MEGF9: variants seen among roughly 807,000 people sequenced by gnomAD.
MEGF9 encodes the protein multiple epidermal growth factor-like domains protein 9.
A neutral mutation model predicts 46.8 loss-of-function variants in MEGF9; 6 were observed. The observed-to-expected ratio is 0.13, with a 90% CI of 0.07 to 0.25. The LOEUF (loss-of-function observed/expected upper bound fraction) is 0.25. Among genes scored for constraint, MEGF9 ranks in the 10% least tolerant of loss-of-function variants. MEGF9 has a pLI of 1.00. For missense variants in MEGF9, 683 were observed against 792.4 expected (o/e 0.86, Z 1.66); for synonymous variants, 302 against 330.7 (o/e 0.91, Z 0.94).
At chr9:120,656,745 G>A (rs1198851923) in intron 2 of MEGF9, among the ~76,000 whole-genome samples, 1 of 151,674 alleles carries the variant, frequency 6.6e-6, no homozygotes, top group African/African-American at 2.4e-5. Context: ...AGAGGGACAG[G>A]ACATGGATTA....
intron 1 of MEGF9, among the ~76,000 whole-genome samples, chr9:120,666,725 C>T (rs2043726741): frequency 6.6e-6 from 1 of 152,132 alleles, no homozygotes; most frequent in African/African-American, 2.4e-5. Flanking sequence ...TATTAATAAT[C>T]ACCAAAACCT....
chr9:120,619,901 T>C (rs2043490579), intron 3 of MEGF9, among the ~76,000 whole-genome samples: 1 of 152,170 alleles, frequency 6.6e-6, no homozygotes, highest in African/African-American at 2.4e-5. Flanking sequence ...GGGGTGAAAA[T>C]AGGACTGTGA....
chr9:120,625,020 T>TC (rs2043518142), intron 2 of MEGF9, among the ~76,000 whole-genome samples: 1 of 152,224 alleles, frequency 6.6e-6, no homozygotes, highest in Non-Finnish European at 1.5e-5. Context: ...ATGCCTATAG[T>TC]CCCAGCTACT....
chr9:120,608,154 G>A (rs1234362380), intron 4 of MEGF9, 144 bp from the exon 5 acceptor site: 3 of 873,306 alleles, frequency 3.4e-6, no homozygotes, highest in Non-Finnish European at 5.2e-6. Flanking sequence ...AGGAGTTTGA[G>A]ACCAGCCTGG....
Position 120,692,714 on chromosome 9 carries a change from T to C in MEGF9, c.601+21044A>G, listed in dbSNP as rs73662410. 5.3e-3 allele frequency among the ~76,000 whole-genome samples: 810 copies of C among 152,266 alleles called. 7 individuals carry two copies. The highest frequency in any genetic ancestry group is 0.019 in the African/African-American group (771 of 41,552). On this transcript the variant is annotated intron_variant, in intron 1 of 5. Coordinates refer to ENST00000373930, the MANE Select transcript of MEGF9 (RefSeq NM_001080497.3). Reference sequence around the variant, plus strand: ...TACTCGAGCCACTCAGGACTTCAGTTCCCTAAATGGGCCATGTATGTGCTC... The same window carrying C: ...TACTCGAGCCACTCAGGACTTCAGTCCCCTAAATGGGCCATGTATGTGCTC...
chr9:120,700,641 C>CA (rs1217982179), intron 1 of MEGF9, among the ~76,000 whole-genome samples: 4 of 152,112 alleles, frequency 2.6e-5, no homozygotes, highest in Non-Finnish European at 5.9e-5. Context: ...CTTCCCCCCC[C>CA]GTTATTTCCA....
chr9:120,670,305 C>T (rs1464022289), intron 1 of MEGF9, among the ~76,000 whole-genome samples: 1 of 152,154 alleles, frequency 6.6e-6, no homozygotes, highest in Non-Finnish European at 1.5e-5. Flanking sequence ...CCATGTTGGT[C>T]AGGCTGGTCT....
intron 3 of MEGF9, among the ~76,000 whole-genome samples, chr9:120,619,827 C>CA (rs1201067477): frequency 2.0e-5 from 3 of 152,082 alleles, no homozygotes; most frequent in East Asian, 3.9e-4. Context: ...TATCTTACCA[C>CA]AAAAAAAGAG....
rs567837164 is a variant in MEGF9 at position 120,702,021 on chromosome 9, C to T, written c.601+11737G>A. Among the ~76,000 whole-genome samples, 6 of 150,438 alleles carry T rather than the reference C, an allele frequency of 4.0e-5. No individual in the cohort carries two copies. In the South Asian group the frequency reaches 1.0e-3, roughly 26 times the overall value. On this transcript the variant is annotated intron_variant, in intron 1 of 5. Coordinates refer to ENST00000373930, the MANE Select transcript of MEGF9 (RefSeq NM_001080497.3). ...TCACGCCACTGCTCTCCAGCCTAGG[C>T]GACAGAGCAAGACTCTGTCTCTAAA...
At chr9:120,651,029 T>C (rs1298178843) in intron 2 of MEGF9, among the ~76,000 whole-genome samples, 1 of 152,208 alleles carries the variant, frequency 6.6e-6, no homozygotes, top group Non-Finnish European at 1.5e-5. Context: ...TTTGCACAGA[T>C]TAGATTATAA....
Position 120,676,214 on chromosome 9 carries a change from T to C in MEGF9, c.602-16639A>G, listed in dbSNP as rs191483645. 2.4e-4 allele frequency among the ~76,000 whole-genome samples: 37 copies of C among 152,298 alleles called. 1 individual carries two copies. The East Asian group carries it at 6.0e-3, about 25-fold the overall frequency. ...GGGAGGCCAAGGCAGACAGATCACT[T>C]GAGTCCACAAGTTCAGCCTGGGCAA... On this transcript the variant is annotated intron_variant, in intron 1 of 5. Coordinates refer to ENST00000373930, the MANE Select transcript of MEGF9 (RefSeq NM_001080497.3).
intron 1 of MEGF9, among the ~76,000 whole-genome samples, chr9:120,688,775 T>G (rs1414663094): frequency 6.6e-6 from 1 of 152,196 alleles, no homozygotes; most frequent in Admixed American, 6.5e-5. Flanking sequence ...ATTTTACATG[T>G]TCTTTACACG....
intron 1 of MEGF9, among the ~76,000 whole-genome samples, chr9:120,683,652 A>G (rs2043808637): frequency 6.6e-6 from 1 of 152,192 alleles, no homozygotes; most frequent in Non-Finnish European, 1.5e-5. Flanking sequence ...TAAATTACCC[A>G]GTCTCAAGTA....
chr9:120,713,961 G>A lies in MEGF9; in HGVS notation c.398C>T (p.Thr133Ile), dbSNP rs1259965862. 1.4e-6 allele frequency: 2 copies of A among 1,385,006 alleles called. No homozygotes were observed. The highest frequency in any genetic ancestry group is 3.9e-4 in the Middle Eastern group (2 of 5,116). The allele number at this position is 1,385,006 out of a possible 1,614,324, so 85.8% of individuals were successfully genotyped here. Residue 133 changes from threonine to isoleucine, a missense_variant, in exon 1 of 6, where the codon ACT (threonine) becomes ATT (isoleucine). This residue lies in a region of MEGF9 where 370 missense variants were observed against 371.3 expected (regional missense o/e 1.00). Transcript: ENST00000373930. ...SPTTPPAAER[T>I]STTSQAPTRP... The stretch of plus-strand genomic sequence containing the variant: ...GGTCGGCGCCTGAGAGGTGGTCGAA[G>A]TGCGTTCCGCCGCCGGAGGGGTGGT...
At position 120,652,478 on chromosome 9, in the gene MEGF9, T is replaced by TAAA. The variant is rs57268783; in HGVS notation, c.803+6893_803+6895dup. Among the ~76,000 whole-genome samples the TAAA allele has an allele frequency of 1.6e-3, 140 of 85,606 alleles. 1 individual carries two copies. Among genetic ancestry groups the TAAA allele is most frequent in the African/African-American group, 5.7e-3 (126 of 22,080 alleles). The allele number at this position is 85,606 out of a possible 152,430, so 56.2% of individuals were successfully genotyped here. On this transcript the variant is annotated intron_variant, in intron 2 of 5. Coordinates refer to ENST00000373930, the MANE Select transcript of MEGF9 (RefSeq NM_001080497.3). Reference sequence around the variant, plus strand: ...TGGGTGACAGAGCGAGATCTTGTCTTAAAAAAAAAAAAAAAAAAAAAAAAA... The same window carrying TAAA: ...TGGGTGACAGAGCGAGATCTTGTCTTAAAAAAAAAAAAAAAAAAAAAAAAAAAA...
chr9:120,650,038 G>A (rs138586945), intron 2 of MEGF9, among the ~76,000 whole-genome samples: 3,612 of 152,208 alleles, frequency 0.024, 153 homozygotes, highest in African/African-American at 0.083. Flanking sequence ...AGGCTGAGTC[G>A]GGTGGATCAC....
intron 1 of MEGF9, among the ~76,000 whole-genome samples, chr9:120,687,016 C>G (rs1450058567): frequency 6.6e-6 from 1 of 151,694 alleles, no homozygotes; most frequent in African/African-American, 2.4e-5. Flanking sequence ...TGAAATTAAG[C>G]CAACTACCCA....
At chr9:120,640,880 C>G (rs780183772) in intron 2 of MEGF9, among the ~76,000 whole-genome samples, 3 of 125,980 alleles carry the variant, frequency 2.4e-5, no homozygotes, top group Non-Finnish European at 4.8e-5. Context: ...TCTAGTAGTC[C>G]CCAGTGTCTA....
chr9:120,687,944 GAA>G (rs1317262428), intron 1 of MEGF9, among the ~76,000 whole-genome samples: 2 of 151,962 alleles, frequency 1.3e-5, no homozygotes, highest in Admixed American at 6.6e-5. Flanking sequence ...ATACTTTTCA[GAA>G]AACTTATTTC....
Sources: allele counts gnomAD v4.1 joint callset (sites outside exome capture counted in the v4.1 genomes callset), GRCh38; gene constraint gnomAD v4.1.1; regional missense constraint gnomAD v4.1.1; transcripts MANE v1.5; gene names NCBI Gene and HGNC (gene_info 2026-07-23, HGNC 2026-07-21).